Variants in HECW1 observed in about 807,000 individuals in gnomAD.
The protein encoded by HECW1 is E3 ubiquitin-protein ligase HECW1.
HECW1 carries 61 observed loss-of-function variants against 182.3 expected under a neutral mutation model. The ratio of observed to expected loss-of-function variants is 0.33; its 90% CI spans 0.27 to 0.41. The LOEUF (loss-of-function observed/expected upper bound fraction) is 0.41, where lower values mean the gene tolerates loss of function less well. Among genes scored for constraint, HECW1 ranks in the 10% least tolerant of loss-of-function variants. The pLI, the probability that HECW1 is intolerant of heterozygous loss-of-function variation, is 1.00. For synonymous variants in HECW1, 859 were observed against 832.6 expected (o/e 1.03, Z -0.55); for missense variants, 1,739 against 2,108.9 (o/e 0.82, Z 3.44).
chr7:43,114,388 T>A lies in HECW1; in HGVS notation c.-35T>A, dbSNP rs1784879175. On this transcript the variant is annotated 5_prime_UTR_variant, in exon 2 of 30. Coordinates refer to ENST00000395891, the MANE Select transcript of HECW1 (RefSeq NM_015052.5). The stretch of plus-strand genomic sequence containing the variant: ...GCAGACTCACTCCGGCTGTGGCTAT[T>A]ACGGTAATTCATTCTAGATTGGGGA... The A allele has an allele frequency of 7.4e-7, 1 of 1,346,450 alleles. No homozygotes were observed. The highest frequency in any genetic ancestry group is 1.5e-5 in the African/African-American group (1 of 68,460). The allele number at this position is 1,346,450 out of a possible 1,614,324, so 83.4% of individuals were successfully genotyped here.
At chr7:43,324,098 A>G (rs1218789316) in intron 5 of HECW1, among the ~76,000 whole-genome samples, 1 of 152,220 alleles carries the variant, frequency 6.6e-6, no homozygotes, top group Non-Finnish European at 1.5e-5. Flanking sequence ...AACACTTTAG[A>G]TAATGACATT....
chr7:43,243,843 C>G lies in HECW1; in HGVS notation c.-31-32C>G. On this transcript the variant is annotated intron_variant, in intron 2 of 29. Transcript: ENST00000395891. This position sits in a 1 kb window ranked among gnomAD's most constrained non-coding sequence, Gnocchi z 4.0. ...GCTGATTTTGTTTGCTTGGGATACA[C>G]GCTAAGTTAACCTCGTTGGACTTTT... The G allele has an allele frequency of 1.3e-6, 2 of 1,556,294 alleles. No homozygotes were observed. Among genetic ancestry groups the G allele is most frequent in the Non-Finnish European group, 8.9e-7 (1 of 1,127,448 alleles).
At position 43,562,155 on chromosome 7, in the gene HECW1, C is replaced by A; in HGVS notation, c.*229C>A. The A allele has an allele frequency of 2.1e-6, 1 of 469,840 alleles. No homozygotes were observed. The highest frequency in any genetic ancestry group is 3.8e-6 in the Non-Finnish European group (1 of 261,264). 29.1% of individuals were successfully genotyped at this position (469,840 alleles called of 1,614,324 possible). A position where few individuals can be genotyped will look rare whatever the true frequency, so the allele number is the denominator to read the frequency against. On this transcript the variant is annotated 3_prime_UTR_variant, in exon 30 of 30. Coordinates refer to ENST00000395891, the MANE Select transcript of HECW1 (RefSeq NM_015052.5). ...TTTCAATGAACTGCTAGCCTGTATG[C>A]AATATTAAAAAACAGCTGTCTCAAG...
chr7:43,301,407 AT>A (rs1244506200), intron 3 of HECW1, among the ~76,000 whole-genome samples: 1 of 152,162 alleles, frequency 6.6e-6, no homozygotes, highest in East Asian at 1.9e-4. Flanking sequence ...CCACCACCCC[AT>A]TATTGCCCTC....
At chr7:43,302,922 C>A (rs1185105668) in intron 3 of HECW1, among the ~76,000 whole-genome samples, 1 of 146,256 alleles carries the variant, frequency 6.8e-6, no homozygotes, top group Admixed American at 7.0e-5. Context: ...ACACACACCA[C>A]ACACACCCAC....
chr7:43,167,062 T>C (rs2152663336), intron 2 of HECW1, among the ~76,000 whole-genome samples: 1 of 152,364 alleles, frequency 6.6e-6, no homozygotes, highest in Non-Finnish European at 1.5e-5. Context: ...TCACTTCCCA[T>C]TGCTATAACA....
intron 6 of HECW1, among the ~76,000 whole-genome samples, chr7:43,361,227 G>A (rs1257459549): frequency 3.9e-5 from 6 of 152,168 alleles, no homozygotes; most frequent in Non-Finnish European, 8.8e-5. Flanking sequence ...TGTTAGGGAG[G>A]AGCCAAGCTT....
rs7786005 is a variant in HECW1, at chr7:43,489,705, A to G, written c.3235-2370A>G. Among the ~76,000 whole-genome samples the G allele has an allele frequency of 8.0e-3, 1,213 of 152,374 alleles. 17 individuals are homozygous for G. Among genetic ancestry groups the G allele is most frequent in the African/African-American group, 0.028 (1,154 of 41,590 alleles). ...AAAAGCAGCAAAGACTACCACACAC[A>G]GAGAGTGAACTGGTGGCCCCTGTCT... is the stretch of plus-strand genomic sequence containing the variant. On this transcript the variant is annotated intron_variant, in intron 17 of 29. Coordinates refer to ENST00000395891, the MANE Select transcript of HECW1 (RefSeq NM_015052.5).
At chr7:43,203,453 A>C (rs1297454470) in intron 2 of HECW1, among the ~76,000 whole-genome samples, 1 of 152,048 alleles carries the variant, frequency 6.6e-6, no homozygotes, top group African/African-American at 2.4e-5. Context: ...TCTTGTAAGA[A>C]TAAAGCCACA....
At chr7:43,379,219 C>G (rs1221071973) in intron 6 of HECW1, among the ~76,000 whole-genome samples, 1 of 152,192 alleles carries the variant, frequency 6.6e-6, no homozygotes, top group Non-Finnish European at 1.5e-5. Flanking sequence ...ATCCCAGAAG[C>G]ACTGCACCTC....
chr7:43,204,272 A>G (rs549535653), intron 2 of HECW1, among the ~76,000 whole-genome samples: 2 of 152,358 alleles, frequency 1.3e-5, no homozygotes, highest in South Asian at 2.1e-4. Flanking sequence ...TGACTCATGT[A>G]AAGTTTGTTG....
intron 7 of HECW1, among the ~76,000 whole-genome samples, chr7:43,404,514 C>T (rs575799397): frequency 1.3e-5 from 2 of 152,124 alleles, no homozygotes; most frequent in South Asian, 4.1e-4. Flanking sequence ...ATAAGAGTGA[C>T]TTAATTTAGC....
chr7:43,535,904 T>C (rs1249067964), intron 24 of HECW1, among the ~76,000 whole-genome samples: 1 of 152,228 alleles, frequency 6.6e-6, no homozygotes, highest in Non-Finnish European at 1.5e-5. Context: ...TATTTTTCTT[T>C]GGCAGGAGGG....
At chr7:43,541,098 C>A (rs1369877327) in intron 24 of HECW1, 65 bp from the exon 25 acceptor site, 1 of 1,297,614 alleles carries the variant, frequency 7.7e-7, no homozygotes, top group Admixed American at 1.7e-5. Flanking sequence ...AATAAAAGTG[C>A]AAACTAAAAT....
At chr7:43,244,911 G>C (rs1394917049) in intron 3 of HECW1, among the ~76,000 whole-genome samples, 1 of 152,234 alleles carries the variant, frequency 6.6e-6, no homozygotes, top group Non-Finnish European at 1.5e-5. Context: ...GAGATGTTCA[G>C]TGTGTGCCTT....
chr7:43,362,838 G>C lies in HECW1; in HGVS notation c.555+1858G>C, dbSNP rs185796371. ...CCTGGCCTCTTGCCAACACACAGCAGTTCACTGAATGAGGCAGACACAAGG... is the reference window on the plus strand; with the variant it reads ...CCTGGCCTCTTGCCAACACACAGCACTTCACTGAATGAGGCAGACACAAGG... On this transcript the variant is annotated intron_variant, in intron 6 of 29. Coordinates refer to ENST00000395891, the MANE Select transcript of HECW1 (RefSeq NM_015052.5). Among the ~76,000 whole-genome samples, 290 of 152,350 alleles carry C rather than the reference G, an allele frequency of 1.9e-3. 1 individual carries two copies. Among genetic ancestry groups the C allele is most frequent in the Non-Finnish European group, 2.4e-3 (164 of 68,034 alleles).
intron 2 of HECW1, among the ~76,000 whole-genome samples, chr7:43,235,664 AGTTT>A (rs1208989202): frequency 6.6e-6 from 1 of 152,212 alleles, no homozygotes; most frequent in Non-Finnish European, 1.5e-5. Flanking sequence ...GTCATTTGTT[AGTTT>A]AATTTAATCC....
At chr7:43,519,672 T>C (rs188679382) in intron 24 of HECW1, among the ~76,000 whole-genome samples, 106 of 151,728 alleles carry the variant, frequency 7.0e-4, no homozygotes, top group Non-Finnish European at 1.1e-3. Context: ...AATGGTTAAA[T>C]GTATTACAGC....
chr7:43,160,979 T>A (rs1267478558), intron 2 of HECW1, among the ~76,000 whole-genome samples: 2 of 149,890 alleles, frequency 1.3e-5, no homozygotes, highest in Non-Finnish European at 3.0e-5. Flanking sequence ...TTTCTACAGG[T>A]TTTTTTTTTC....
Sources: gnomAD v4.1 joint callset for allele counts (sites outside exome capture counted in the v4.1 genomes callset) on GRCh38, gnomAD v4.1.1 for gene constraint, Gnocchi (gnomAD v3.1) non-coding constraint, MANE v1.5 for transcripts, NCBI Gene and HGNC (gene_info 2026-07-23, HGNC 2026-07-21) for gene names.